CUL2: variants seen among roughly 807,000 people sequenced by gnomAD.
The protein encoded by CUL2 is cullin-2.
In CUL2, 22 loss-of-function variants were observed where a neutral mutation model predicts 110.2. The observed-to-expected ratio is 0.20, with a 90% CI of 0.14 to 0.28. The LOEUF (loss-of-function observed/expected upper bound fraction) is 0.28, where lower values mean the gene tolerates loss of function less well. Ranked by LOEUF, CUL2 falls within the 10% of genes least tolerant of loss-of-function variation. CUL2 has a pLI of 1.00. For synonymous variants in CUL2, 279 were observed against 293.2 expected (o/e 0.95, Z 0.49); for missense variants, 631 against 905.5 (o/e 0.70, Z 3.89).
upstream of CUL2, among the ~76,000 whole-genome samples, chr10:35,092,737 AAG>A (rs981148403): frequency 2.3e-4 from 35 of 152,288 alleles, no homozygotes; most frequent in African/African-American, 7.7e-4. Flanking sequence ...TTTGGGGAGG[AAG>A]TTAGTTTATG....
intron 20 of CUL2, among the ~76,000 whole-genome samples, chr10:35,011,005 TGGACA>T (rs532913486): frequency 3.3e-4 from 50 of 152,204 alleles, no homozygotes; most frequent in Admixed American, 1.4e-3. Flanking sequence ...CTTCAATAAC[TGGACA>T]GAAGACTCAA....
chr10:35,126,693 T>C (rs2087852353), upstream of CUL2: 1 of 152,988 alleles, frequency 6.5e-6, no homozygotes, highest in African/African-American at 2.4e-5. Flanking sequence ...CACGGGCAGC[T>C]TCCGGTTTCC....
chr10:35,066,944 A>G lies in CUL2; in HGVS notation c.120-3882T>C, dbSNP rs1348616187. Among the ~76,000 whole-genome samples, 6 of 152,282 alleles carry G rather than the reference A, an allele frequency of 3.9e-5. No individual in the cohort carries two copies. The South Asian group carries it at 8.3e-4, about 21-fold the overall frequency. ...CAGGTACTTGCCTCAATATTTTTCAATGACATCAAAACTGGTCTATGTTTG... is the reference window on the plus strand; with the variant it reads ...CAGGTACTTGCCTCAATATTTTTCAGTGACATCAAAACTGGTCTATGTTTG... On this transcript the variant is annotated intron_variant, in intron 2 of 20. Coordinates refer to ENST00000374749, the MANE Select transcript of CUL2 (RefSeq NM_003591.4).
intron 5 of CUL2, among the ~76,000 whole-genome samples, chr10:35,053,592 CTAATATT>C (rs1276558761): frequency 6.6e-6 from 1 of 152,120 alleles, no homozygotes; most frequent in African/African-American, 2.4e-5. Flanking sequence ...AAACTCTTTT[CTAATATT>C]TATTATTTTC....
At chr10:35,047,186 T>C (rs995458724) in intron 6 of CUL2, among the ~76,000 whole-genome samples, 2 of 152,210 alleles carry the variant, frequency 1.3e-5, no homozygotes, top group Non-Finnish European at 2.9e-5. Flanking sequence ...TCAGGAATTC[T>C]ATTCACTGTA....
At chr10:35,051,503 C>T (rs1311621336) in intron 5 of CUL2, among the ~76,000 whole-genome samples, 15 of 146,024 alleles carry the variant, frequency 1.0e-4, no homozygotes, top group Middle Eastern at 8.4e-3. Flanking sequence ...GTCCCAGCTA[C>T]TCGGGAGGCT....
chr10:35,093,231 A>C (rs1405558629), upstream of CUL2, among the ~76,000 whole-genome samples: 1 of 151,970 alleles, frequency 6.6e-6, no homozygotes, highest in Admixed American at 6.6e-5. Flanking sequence ...TTTGAGTGAT[A>C]ACTCCAGTTC....
chr10:35,097,984 T>TTAAA (rs1272885628), intron 2 of CUL2: 1 of 151,616 alleles, frequency 6.6e-6, no homozygotes, highest in African/African-American at 2.4e-5. Flanking sequence ...TTAAATAAAA[T>TTAAA]TAAATAAATA....
At chr10:35,095,697 T>C (rs2087287107) in intron 2 of CUL2, among the ~76,000 whole-genome samples, 1 of 152,104 alleles carries the variant, frequency 6.6e-6, no homozygotes, top group Non-Finnish European at 1.5e-5. Context: ...TAGCTGGAAC[T>C]ACAGGCACAT....
At chr10:35,074,421 C>T in intron 1 of CUL2, 1 of 606,036 alleles carries the variant, frequency 1.7e-6, no homozygotes, top group Admixed American at 2.8e-5. Flanking sequence ...ATTTTCTCTA[C>T]CTAAAGTGCT....
intron 8 of CUL2, among the ~76,000 whole-genome samples, chr10:35,040,285 A>G (rs949233558): frequency 3.9e-5 from 6 of 152,270 alleles, no homozygotes; most frequent in African/African-American, 1.4e-4. Flanking sequence ...ACACTGGTTA[A>G]TATCAACAAG....
At chr10:35,102,900 AT>A (rs1564753763) in intron 1 of CUL2, among the ~76,000 whole-genome samples, 1 of 150,792 alleles carries the variant, frequency 6.6e-6, no homozygotes, top group African/African-American at 2.5e-5. Flanking sequence ...AAAAAAAAAA[AT>A]TTTAAGAAGA....
intron 6 of CUL2, among the ~76,000 whole-genome samples, chr10:35,049,371 C>T (rs974393148): frequency 7.2e-5 from 11 of 152,044 alleles, no homozygotes; most frequent in Non-Finnish European, 1.5e-4. Context: ...CAGGGCACTG[C>T]CTAGAAAGTC....
intron 17 of CUL2, among the ~76,000 whole-genome samples, chr10:35,022,982 T>C (rs548219799): frequency 4.0e-5 from 6 of 151,564 alleles, no homozygotes; most frequent in African/African-American, 9.7e-5. Flanking sequence ...AAGGTGGAGG[T>C]TGCAGTGAGC....
intron 1 of CUL2, among the ~76,000 whole-genome samples, chr10:35,087,208 C>T (rs931170224): frequency 2.6e-5 from 4 of 152,202 alleles, no homozygotes; most frequent in Non-Finnish European, 2.9e-5. Context: ...TGCGCCACCA[C>T]GCCTGGCTAA....
chr10:35,010,024 C>T lies in CUL2; in HGVS notation c.*287G>A, dbSNP rs964084871. ...AAAAAAAAGACACATCAACTGCAAA[C>T]GTGAAGGGGAGAAAAAGCATGGTAC... is the stretch of plus-strand genomic sequence containing the variant. On this transcript the variant is annotated 3_prime_UTR_variant, in exon 21 of 21. Transcript: ENST00000374749. 1 of 173,244 alleles carries T rather than the reference C, an allele frequency of 5.8e-6. No homozygotes were observed. Among genetic ancestry groups the T allele is most frequent in the Non-Finnish European group, 1.2e-5 (1 of 84,212 alleles). 10.7% of individuals were successfully genotyped at this position (173,244 alleles called of 1,614,324 possible).
intron 1 of CUL2, among the ~76,000 whole-genome samples, chr10:35,088,966 A>C (rs1462515007): frequency 1.3e-5 from 2 of 152,236 alleles, no homozygotes; most frequent in Non-Finnish European, 2.9e-5. Flanking sequence ...ACCTGAGGTC[A>C]GGAGTTCAAG....
chr10:35,035,012 A>C (rs2085583657), intron 10 of CUL2, among the ~76,000 whole-genome samples, 160 bp downstream of exon 10: 1 of 152,246 alleles, frequency 6.6e-6, no homozygotes, highest in Non-Finnish European at 1.5e-5. Context: ...TTCCAAAATG[A>C]GTCCAACAAA....
intron 1 of CUL2, among the ~76,000 whole-genome samples, chr10:35,123,623 C>T (rs1275447999): frequency 6.6e-6 from 1 of 152,066 alleles, no homozygotes; most frequent in Non-Finnish European, 1.5e-5. Context: ...GAAGAATGAC[C>T]AAAATCGTTT....
Sources: gnomAD v4.1 joint callset for allele counts (sites outside exome capture counted in the v4.1 genomes callset) on GRCh38, gnomAD v4.1.1 for gene constraint, MANE v1.5 for transcripts, NCBI Gene and HGNC (gene_info 2026-07-23, HGNC 2026-07-21) for gene names.